Variants in ME2 observed in about 807,000 individuals in gnomAD.
The protein encoded by ME2 is NAD-dependent malic enzyme, mitochondrial.
In ME2, 60 loss-of-function variants were observed where a neutral mutation model predicts 73.7. The observed-to-expected ratio is 0.81, with a 90% CI of 0.66 to 1.01. The LOEUF (loss-of-function observed/expected upper bound fraction) is 1.01, where lower values mean the gene tolerates loss of function less well. ME2 is among the 50% of genes least tolerant of loss of function. The pLI is 0.00. For synonymous variants in ME2, 199 were observed against 236.9 expected (o/e 0.84, Z 1.47); for missense variants, 594 against 705.5 (o/e 0.84, Z 1.79).
intron 14 of ME2, 172 bp from the exon 15 acceptor site, chr18:50,940,116 G>T: frequency 1.7e-6 from 1 of 581,536 alleles, no homozygotes; most frequent in South Asian, 2.4e-5. Context: ...GTTATTTATT[G>T]TTTAGTGATG....
chr18:50,884,454 TCTC>T (rs560126557), intron 1 of ME2, among the ~76,000 whole-genome samples: 66 of 152,232 alleles, frequency 4.3e-4, no homozygotes, highest in African/African-American at 1.5e-3. Context: ...TTCAAGCAAT[TCTC>T]CTGCTTCAGC....
intron 1 of ME2, among the ~76,000 whole-genome samples, chr18:50,885,511 C>T (rs866092321): frequency 2.0e-5 from 3 of 151,752 alleles, no homozygotes; most frequent in East Asian, 1.9e-4. Context: ...GAGTGAGATA[C>T]TGTCTCTAAA....
chr18:50,902,523 A>C (rs932670842), intron 2 of ME2, among the ~76,000 whole-genome samples: 6 of 152,108 alleles, frequency 3.9e-5, no homozygotes, highest in African/African-American at 1.4e-4. Flanking sequence ...TCAGCATCCC[A>C]AGTAGCTGGG....
chr18:50,916,334 C>G (rs572892499), intron 5 of ME2, 91 bp downstream of exon 5: 71 of 1,038,824 alleles, frequency 6.8e-5, no homozygotes, highest in East Asian at 7.3e-5. Flanking sequence ...CATTGTTGCT[C>G]TCATTTATTT....
intron 14 of ME2, 56 bp downstream of exon 14, chr18:50,939,696 A>G (rs1345971846): frequency 2.5e-6 from 3 of 1,212,036 alleles, no homozygotes; most frequent in Non-Finnish European, 3.7e-6. Context: ...AGATGAGTAG[A>G]TCTGAAAATT....
chr18:50,917,293 T>C, intron 5 of ME2, 54 bp from the exon 6 acceptor site: 1 of 1,443,094 alleles, frequency 6.9e-7, no homozygotes, highest in Non-Finnish European at 9.6e-7. Flanking sequence ...AAAAATGCTT[T>C]TCTTTAGTGC....
rs769095051 is a variant in ME2, at chr18:50,940,393, A to G, written c.1587+7A>G. On this transcript the variant is annotated splice_region_variant and intron_variant, in intron 15 of 15. Coordinates refer to ENST00000321341, the MANE Select transcript of ME2 (RefSeq NM_002396.5). ...TATTAACATTGCTATTAAAGTAAGTAATAACTTAAACTTCTTCACATTAAT... is the reference window on the plus strand; with the variant it reads ...TATTAACATTGCTATTAAAGTAAGTGATAACTTAAACTTCTTCACATTAAT... 6.7e-7 allele frequency: 1 copy of G among 1,491,028 alleles called. No individual in the cohort carries two copies. Among genetic ancestry groups the G allele is most frequent in the Middle Eastern group, 1.7e-4 (1 of 5,840 alleles). 92.4% of individuals were successfully genotyped at this position (1,491,028 alleles called of 1,614,324 possible). A position where few individuals can be genotyped will look rare whatever the true frequency, so the allele number is the denominator to read the frequency against.
At position 50,948,908 on chromosome 18, in the gene ME2, A is replaced by G. The variant is rs971645428; in HGVS notation, c.*1724A>G. Reference sequence around the variant, plus strand: ...GTCGCCCAGTCTGGAGTGTAGTGGCATGATCTCTGCAACCTCTGCCTCCTC... The same window carrying G: ...GTCGCCCAGTCTGGAGTGTAGTGGCGTGATCTCTGCAACCTCTGCCTCCTC... On this transcript the variant is annotated 3_prime_UTR_variant, in exon 16 of 16. Coordinates refer to ENST00000321341, the MANE Select transcript of ME2 (RefSeq NM_002396.5). The G allele has an allele frequency of 4.0e-4, 54 of 133,472 alleles. No individual in the cohort carries two copies. Among genetic ancestry groups the G allele is most frequent in the African/African-American group, 1.5e-3 (53 of 34,628 alleles). The allele number at this position is 133,472 out of a possible 1,614,324, so 8.3% of individuals were successfully genotyped here.
chr18:50,938,186 G>T (rs969189349), intron 13 of ME2, among the ~76,000 whole-genome samples: 6 of 152,092 alleles, frequency 3.9e-5, no homozygotes, highest in Non-Finnish European at 8.8e-5. Context: ...AAATTAGCCA[G>T]GTGCGATGGT....
At chr18:50,915,224 G>A (rs1392585177) in intron 4 of ME2, among the ~76,000 whole-genome samples, 1 of 152,174 alleles carries the variant, frequency 6.6e-6, no homozygotes, top group Non-Finnish European at 1.5e-5. Context: ...GCCAGGCACA[G>A]TGACTCATAC....
Position 50,953,146 on chromosome 18 carries a change from CTGGAGTGCAG to C in ME2, c.*5966_*5975del, listed in dbSNP as rs1248197025. The C allele has an allele frequency of 2.0e-5, 3 of 147,960 alleles. No individual in the cohort carries two copies. The highest frequency in any genetic ancestry group is 3.0e-5 in the Non-Finnish European group (2 of 67,690). 9.2% of individuals were successfully genotyped at this position (147,960 alleles called of 1,614,324 possible). On this transcript the variant is annotated 3_prime_UTR_variant, in exon 16 of 16. Coordinates refer to ENST00000321341, the MANE Select transcript of ME2 (RefSeq NM_002396.5). ...AGACAGCCTTGCTCTGTCTCCCAGG[CTGGAGTGCAG>C]TGGCGCAATCTCAGCTCACTGCAAG...
In ME2 at chr18:50,893,124, C is replaced by CAAAAAAA. The variant is rs56104427; in HGVS notation, c.-12-2663_-12-2657dup. On this transcript the variant is annotated intron_variant, in intron 1 of 15. Transcript: ENST00000321341. The stretch of plus-strand genomic sequence containing the variant: ...TGGGCAACTGGGTAAGACTCTATCT[C>CAAAAAAA]AAAAAAAAAAAAAAAAAAAAAAAAA... 7.8e-4 allele frequency among the ~76,000 whole-genome samples: 61 copies of CAAAAAAA among 78,086 alleles called. 2 individuals are homozygous for CAAAAAAA. The highest frequency in any genetic ancestry group is 3.5e-3 in the African/African-American group (59 of 16,908). The allele number at this position is 78,086 out of a possible 152,430, so 51.2% of individuals were successfully genotyped here.
chr18:50,885,363 T>C (rs988539960), intron 1 of ME2, among the ~76,000 whole-genome samples: 10 of 152,078 alleles, frequency 6.6e-5, no homozygotes, highest in Admixed American at 5.9e-4. Flanking sequence ...GTACAAAATA[T>C]TAAAATTAGC....
At chr18:50,915,940 A>G in intron 4 of ME2, 1 of 381,484 alleles carries the variant, frequency 2.6e-6, no homozygotes, top group East Asian at 4.5e-5. Flanking sequence ...CTTGGGTAAA[A>G]TGACTGTATC....
chr18:50,906,869 A>G (rs542873075), intron 2 of ME2, among the ~76,000 whole-genome samples: 1 of 152,216 alleles, frequency 6.6e-6, no homozygotes, highest in Admixed American at 6.5e-5. Context: ...GTGAGCTAGG[A>G]TCTTTTCAGG....
At chr18:50,938,324 C>CA (rs966544536) in intron 13 of ME2, among the ~76,000 whole-genome samples, 10 of 151,758 alleles carry the variant, frequency 6.6e-5, no homozygotes, top group African/African-American at 1.9e-4. Flanking sequence ...ACCCTGTTGC[C>CA]AAAAAAATTT....
In ME2 at chr18:50,885,338, T is replaced by C. The variant is rs938475049; in HGVS notation, c.-13+6030T>C. Among the ~76,000 whole-genome samples the C allele has an allele frequency of 1.1e-4, 16 of 152,070 alleles. No individual in the cohort carries two copies. In the South Asian group the frequency reaches 3.1e-3, roughly 30 times the overall value. Reference sequence around the variant, plus strand: ...GAGTTCAAGACCAGCCTGGGCAACATAGCAAACGCCAGCTGTACAAAATAT... The same window carrying C: ...GAGTTCAAGACCAGCCTGGGCAACACAGCAAACGCCAGCTGTACAAAATAT... On this transcript the variant is annotated intron_variant, in intron 1 of 15. Transcript: ENST00000321341.
chr18:50,896,290 C>A (rs1301072424), intron 2 of ME2, among the ~76,000 whole-genome samples: 2 of 152,154 alleles, frequency 1.3e-5, no homozygotes, highest in African/African-American at 2.4e-5. Context: ...ATCAGTTAGG[C>A]CCTTGGAAAG....
At chr18:50,891,498 C>G (rs1269381909) in intron 1 of ME2, among the ~76,000 whole-genome samples, 2 of 152,172 alleles carry the variant, frequency 1.3e-5, no homozygotes, top group Admixed American at 1.3e-4. Flanking sequence ...CTCATAAATA[C>G]AGCCAATTAA....
Sources: gnomAD v4.1 joint callset for allele counts (sites outside exome capture counted in the v4.1 genomes callset) on GRCh38, gnomAD v4.1.1 for gene constraint, MANE v1.5 for transcripts, NCBI Gene and HGNC (gene_info 2026-07-23, HGNC 2026-07-21) for gene names.